Variants in DOT1L observed in about 807,000 individuals in gnomAD.
DOT1L encodes the protein histone-lysine N-methyltransferase, H3 lysine-79 specific.
DOT1L carries 33 observed loss-of-function variants against 153.3 expected under a neutral mutation model. That is an observed-to-expected ratio of 0.22 (90% CI 0.16 to 0.29). DOT1L has a LOEUF of 0.29. Among genes scored for constraint, DOT1L ranks in the 10% least tolerant of loss-of-function variants. The pLI is 1.00. For missense variants in DOT1L, 1,847 were observed against 2,119.9 expected, an observed-to-expected ratio of 0.87 and a Z score of 2.53; for synonymous variants, 1,135 against 965.1, an observed-to-expected ratio of 1.18 and a Z score of -3.26.
chr19:2,178,279 A>T, intron 1 of DOT1L, among the ~76,000 whole-genome samples: 1 of 131,092 alleles, frequency 7.6e-6, no homozygotes, highest in African/African-American at 2.9e-5. Context: ...GCGTTTCACC[A>T]TGTCTTTGGG....
chr19:2,188,075 A>ACC (rs1025739736), intron 3 of DOT1L: 4 of 151,644 alleles, frequency 2.6e-5, no homozygotes, highest in African/African-American at 7.3e-5. Flanking sequence ...GGCTCCTTCC[A>ACC]CCCCCGTGTC....
chr19:2,227,683 G>C lies in DOT1L; in HGVS notation c.4606+556G>C. The C allele has an allele frequency of 3.1e-6, 4 of 1,291,836 alleles. No homozygotes were observed. The South Asian group carries it at 5.0e-5, about 16-fold the overall frequency. 80.0% of individuals were successfully genotyped at this position (1,291,836 alleles called of 1,614,324 possible). The stretch of plus-strand genomic sequence containing the variant: ...TGTGAGCCTGCGGCTGCTGCTCTGC[G>C]CTTGCCTGGATGCTGCCGCTTGTTG... On this transcript the variant is annotated intron_variant, in intron 27 of 27. Coordinates refer to ENST00000398665, the MANE Select transcript of DOT1L (RefSeq NM_032482.3).
rs751736857 is a variant in DOT1L, at chr19:2,226,417, C to T, written c.3896C>T (p.Ser1299Phe). 78 of 1,599,244 alleles carry T rather than the reference C, an allele frequency of 4.9e-5. No individual in the cohort carries two copies. The highest frequency in any genetic ancestry group is 6.3e-5 in the Non-Finnish European group (74 of 1,176,922). Residue 1299 changes from serine to phenylalanine, a missense_variant, in exon 27 of 28, where the codon TCC becomes TTC. By Grantham distance (155) the Ser-to-Phe change is radical. Transcript: ENST00000398665. ...AAHPRKGFPG[S>F]LSGADGLSPG... ...CACCCCAGGAAAGGCTTTCCCGGCTCCCTGTCGGGGGCTGACGGACTCAGC... is the reference window on the plus strand; with the variant it reads ...CACCCCAGGAAAGGCTTTCCCGGCTTCCTGTCGGGGGCTGACGGACTCAGC...
chr19:2,217,996 T>G lies in DOT1L; in HGVS notation c.2691+78T>G. 1 of 1,541,546 alleles carries G rather than the reference T, an allele frequency of 6.5e-7. No homozygotes were observed. Among genetic ancestry groups the G allele is most frequent in the Non-Finnish European group, 8.7e-7 (1 of 1,144,126 alleles). ...CTGGGGTGCTCGAGACCTGGCTCAC[T>G]TTGCGAAGTCTCACGCTGTAAAATG... On this transcript the variant is annotated intron_variant, in intron 22 of 27. Coordinates refer to ENST00000398665, the MANE Select transcript of DOT1L (RefSeq NM_032482.3). The surrounding 1 kb of genome is among the most constrained non-coding windows in gnomAD (Gnocchi z 7.3).
chr19:2,206,744 C>T lies in DOT1L; in HGVS notation c.803C>T (p.Ser268Phe). 1 of 1,613,910 alleles carries T rather than the reference C, an allele frequency of 6.2e-7. No individual in the cohort carries two copies. Among genetic ancestry groups the T allele is most frequent in the Non-Finnish European group, 8.5e-7 (1 of 1,179,904 alleles). Residue 268 changes from serine (S) to phenylalanine (F), a missense_variant, in exon 10 of 28, where the codon TCC becomes TTC. Physicochemically the swap from Ser to Phe is radical, Grantham distance 155 (BLOSUM62 -2). Transcript: ENST00000398665. ...ANMKEGGRIV[S>F]SKPFAPLNFR... ...TGTGTTTCAGGTGGCAGAATCGTGT[C>T]CTCGAAACCCTTTGCACCTCTGAAC...
intron 1 of DOT1L, among the ~76,000 whole-genome samples, chr19:2,165,887 G>C (rs1157506894): frequency 6.6e-6 from 1 of 151,484 alleles, no homozygotes; most frequent in East Asian, 1.9e-4. Context: ...TCCTGCCTCA[G>C]CCTCCCCAGT....
At position 2,216,025 on chromosome 19, in the gene DOT1L, C is replaced by T. The variant is rs1196328910; in HGVS notation, c.1924-256C>T. The T allele has an allele frequency of 6.2e-6, 3 of 483,094 alleles. No individual in the cohort carries two copies. The East Asian group carries it at 1.1e-4, about 17-fold the overall frequency. 29.9% of individuals were successfully genotyped at this position (483,094 alleles called of 1,614,324 possible). Reference sequence around the variant, plus strand: ...GAGTCTATTTTGAGAGACGAGAGCTCTTTGTATCTTCCTGTTGCTCTTTTT... The same window carrying T: ...GAGTCTATTTTGAGAGACGAGAGCTTTTTGTATCTTCCTGTTGCTCTTTTT... On this transcript the variant is annotated intron_variant, in intron 19 of 27. Coordinates refer to ENST00000398665, the MANE Select transcript of DOT1L (RefSeq NM_032482.3).
chr19:2,217,529 C>G lies in DOT1L; in HGVS notation c.2545-243C>G, dbSNP rs538761117. 7.9e-5 allele frequency among the ~76,000 whole-genome samples: 12 copies of G among 152,076 alleles called. No individual in the cohort carries two copies. Among genetic ancestry groups the G allele is most frequent in the African/African-American group, 2.9e-4 (12 of 41,412 alleles). ...CCCCACGGGTGACTGCCCACCGAGCCGGGCGGGCAGGCTGGAGGGGACAGA... is the reference window on the plus strand; with the variant it reads ...CCCCACGGGTGACTGCCCACCGAGCGGGGCGGGCAGGCTGGAGGGGACAGA... On this transcript the variant is annotated intron_variant, in intron 21 of 27. Coordinates refer to ENST00000398665, the MANE Select transcript of DOT1L (RefSeq NM_032482.3). The surrounding 1 kb of genome is among the most constrained non-coding windows in gnomAD (Gnocchi z 7.3).
intron 15 of DOT1L, among the ~76,000 whole-genome samples, 181 bp downstream of exon 15, chr19:2,211,393 T>C (rs1287160269): frequency 2.0e-5 from 3 of 152,134 alleles, no homozygotes; most frequent in Non-Finnish European, 4.4e-5. Context: ...ATGCAGCCTG[T>C]GGGTTGTCTG....
intron 9 of DOT1L, among the ~76,000 whole-genome samples, chr19:2,205,366 C>T (rs1225206491): frequency 6.6e-6 from 1 of 152,190 alleles, no homozygotes; most frequent in African/African-American, 2.4e-5. Context: ...ACACCAAGTT[C>T]TTCCTGCAGC....
intron 7 of DOT1L, among the ~76,000 whole-genome samples, chr19:2,198,640 TGGAAA>T (rs905193065): frequency 1.2e-4 from 19 of 152,326 alleles, no homozygotes; most frequent in African/African-American, 4.6e-4. Flanking sequence ...GGCTGTTGTG[TGGAAA>T]GGAGTGTCGC....
chr19:2,188,191 A>C (rs558026525), intron 3 of DOT1L: 1 of 152,044 alleles, frequency 6.6e-6, no homozygotes, highest in African/African-American at 2.4e-5. Context: ...GCTTTATCCT[A>C]TGCAGCTGCT....
chr19:2,180,100 C>A (rs1386190991), intron 1 of DOT1L, among the ~76,000 whole-genome samples: 1 of 152,098 alleles, frequency 6.6e-6, no homozygotes, highest in Non-Finnish European at 1.5e-5. Context: ...AGGCCAAGGA[C>A]CTTGGTTTTA....
intron 25 of DOT1L, among the ~76,000 whole-genome samples, chr19:2,224,490 C>T (rs188439824): frequency 7.0e-6 from 1 of 143,052 alleles, no homozygotes; most frequent in Non-Finnish European, 1.5e-5. Context: ...TCCTGAGACA[C>T]AGAGTTTTGG....
intron 6 of DOT1L, 97 bp from the exon 7 acceptor site, chr19:2,194,418 T>A (rs1045137447): frequency 1.2e-5 from 17 of 1,367,712 alleles, no homozygotes; most frequent in Non-Finnish European, 1.7e-5. Flanking sequence ...TGATCCGCCC[T>A]CCTCAGCCTC....
chr19:2,227,551 G>A lies in DOT1L; in HGVS notation c.4606+424G>A, dbSNP rs1013146315. On this transcript the variant is annotated intron_variant, in intron 27 of 27. Coordinates refer to ENST00000398665, the MANE Select transcript of DOT1L (RefSeq NM_032482.3). Reference sequence around the variant, plus strand: ...AGCGGCCTGGCCCTGGGGCTGCTGCGGGGCGGGGGGCCGGAGGGCGGAGGG... The same window carrying A: ...AGCGGCCTGGCCCTGGGGCTGCTGCAGGGCGGGGGGCCGGAGGGCGGAGGG... 1.9e-5 allele frequency: 12 copies of A among 630,832 alleles called. No individual in the cohort carries two copies. In the Admixed American group the frequency reaches 2.1e-4, roughly 11 times the overall value. The allele number at this position is 630,832 out of a possible 1,614,324, so 39.1% of individuals were successfully genotyped here.
Position 2,222,094 on chromosome 19 carries a change from T to G in DOT1L, c.2925T>G (p.Phe975Leu). ...LDESSSSGSLFATVGSRSSTP... is the reference protein window; with the variant it reads ...LDESSSSGSLLATVGSRSSTP... ...AGTCCTCCAGCTCTGGGAGCCTTTT[T>G]GCCACCGTGGGGTCCCGCAGCTCCA... The change falls in exon 24 of 28, where the codon TTT becomes TTG. Residue 975 changes from phenylalanine (F) to leucine (L), a missense_variant. Coordinates refer to ENST00000398665, the MANE Select transcript of DOT1L (RefSeq NM_032482.3). This position sits in a 1 kb window ranked among gnomAD's most constrained non-coding sequence, Gnocchi z 6.5. 1 of 1,613,402 alleles carries G rather than the reference T, an allele frequency of 6.2e-7. No homozygotes were observed. Among genetic ancestry groups the G allele is most frequent in the Non-Finnish European group, 8.5e-7 (1 of 1,179,906 alleles).
intron 19 of DOT1L, chr19:2,215,685 C>T (rs1003956432): frequency 5.3e-5 from 8 of 152,322 alleles, no homozygotes; most frequent in African/African-American, 1.4e-4. Flanking sequence ...ACGTGTGTGG[C>T]CCAGGCGAGC....
rs1370445178 is a variant in DOT1L at position 2,232,044 on chromosome 19, G to A, written c.*2252G>A. 1.9e-5 allele frequency: 4 copies of A among 210,426 alleles called. No homozygotes were observed. The highest frequency in any genetic ancestry group is 2.9e-5 in the Non-Finnish European group (3 of 103,606). The allele number at this position is 210,426 out of a possible 1,614,324, so 13.0% of individuals were successfully genotyped here. On this transcript the variant is annotated 3_prime_UTR_variant, in exon 28 of 28. Transcript: ENST00000398665. ...CTTCTCAGACACTCCCAGACTGAGG[G>A]GTGGTGTGTGGCGGGTGGCAGGGTG...
Sources: allele counts gnomAD v4.1 joint callset (sites outside exome capture counted in the v4.1 genomes callset), GRCh38; gene constraint gnomAD v4.1.1; non-coding constraint Gnocchi (gnomAD v3.1); transcripts MANE v1.5; gene names NCBI Gene and HGNC (gene_info 2026-07-23, HGNC 2026-07-21).